FAM171A2: variants seen among roughly 807,000 people sequenced by gnomAD.
FAM171A2 encodes the protein family with sequence similarity 171 member A2.
FAM171A2 carries 13 observed loss-of-function variants against 34.2 expected under a neutral mutation model. The observed-to-expected ratio is 0.38, with a 90% CI of 0.25 to 0.60. The LOEUF is 0.60. Ranked by LOEUF, FAM171A2 falls within the 20% of genes least tolerant of loss-of-function variation. The pLI is 0.62. For missense variants in FAM171A2, 950 were observed against 1,180.7 expected (o/e 0.80, Z 2.86); for synonymous variants, 475 against 561.2 (o/e 0.85, Z 2.17).
At position 44,353,652 on chromosome 17, in the gene FAM171A2, GAGGGCCCCCGCGGGCCCCC is replaced by G. The variant is rs1278987732; in HGVS notation, c.*62_*80del. 14 of 1,080,562 alleles carry G rather than the reference GAGGGCCCCCGCGGGCCCCC, an allele frequency of 1.3e-5. No homozygotes were observed. Among genetic ancestry groups the G allele is most frequent in the Middle Eastern group, 7.3e-4 (2 of 2,752 alleles). The allele number at this position is 1,080,562 out of a possible 1,614,324, so 66.9% of individuals were successfully genotyped here. A position where few individuals can be genotyped will look rare whatever the true frequency, so the allele number is the denominator to read the frequency against. ...CGGCCTGGGGCTGGGAGCTACGCGC[GAGGGCCCCCGCGGGCCCCC>G]GGGGCGCGCACCCTGGGTGCGGGCC... On this transcript the variant is annotated 3_prime_UTR_variant, in exon 8 of 8. Coordinates refer to ENST00000293443, the MANE Select transcript of FAM171A2 (RefSeq NM_198475.3).
Position 44,353,333 on chromosome 17 carries a change from T to G in FAM171A2, c.*400A>C. ...ACATCGTAGCCCAGAGATGGGCTAG[T>G]CAGCAAGCAGCACCCCCTCCCCTCC... On this transcript the variant is annotated 3_prime_UTR_variant, in exon 8 of 8. Transcript: ENST00000293443. 1 of 177,754 alleles carries G rather than the reference T, an allele frequency of 5.6e-6. No homozygotes were observed. The highest frequency in any genetic ancestry group is 1.2e-5 in the Non-Finnish European group (1 of 83,710). 11.0% of individuals were successfully genotyped at this position (177,754 alleles called of 1,614,324 possible).
chr17:44,359,508 G>A (rs2048439001), intron 3 of FAM171A2, 71 bp downstream of exon 3: 6 of 1,312,656 alleles, frequency 4.6e-6, no homozygotes, highest in South Asian at 3.8e-5. Flanking sequence ...AGCTAATATA[G>A]GACAGTGGAG....
chr17:44,360,162 G>A (rs2048442521), intron 1 of FAM171A2, 30 bp from the exon 2 acceptor site: 1 of 1,522,930 alleles, frequency 6.6e-7, no homozygotes, highest in Admixed American at 2.0e-5. Context: ...AAGGGAGTGA[G>A]GACGAGGGAG....
rs2048439270 is a variant in FAM171A2, at chr17:44,359,575, T to C, written c.439+4A>G. ...GAGTTGGCGTGGGTGAGGGGGAGCC[T>C]TACCGGGAGAGCCTAGGAGAATGTG... On this transcript the variant is annotated splice_donor_region_variant and intron_variant, in intron 3 of 7. Coordinates refer to ENST00000293443, the MANE Select transcript of FAM171A2 (RefSeq NM_198475.3). The C allele has an allele frequency of 6.4e-7, 1 of 1,550,956 alleles. No homozygotes were observed. The highest frequency in any genetic ancestry group is 8.7e-7 in the Non-Finnish European group (1 of 1,146,646).
chr17:44,357,758 T>TGTGTGTGTGTGTG (rs61464829), intron 3 of FAM171A2, among the ~76,000 whole-genome samples: 40 of 148,968 alleles, frequency 2.7e-4, no homozygotes, highest in Admixed American at 4.0e-4. Flanking sequence ...TGTGTGTGTG[T>TGTGTGTGTGTGTG]TGGGGTGGAG....
rs1316539581 is a variant in FAM171A2 at position 44,359,616 on chromosome 17, G to C, written c.402C>G (p.Leu134=). 1 of 1,551,222 alleles carries C rather than the reference G, an allele frequency of 6.4e-7. No homozygotes were observed. Among genetic ancestry groups the C allele is most frequent in the Admixed American group, 2.0e-5 (1 of 50,994 alleles). Residue 134 remains leucine (L), a synonymous_variant, in exon 3 of 8, where the codon CTC becomes CTG. Coordinates refer to ENST00000293443, the MANE Select transcript of FAM171A2 (RefSeq NM_198475.3). ...GGAGAATGTGCACCAGGTCCTCATA[G>C]AGGATGAGCGTGGCCGGCCGCTCAG... ...LLPERPATLI[L]YEDLVHILLG...
In FAM171A2 at chr17:44,354,615, G is replaced by T; in HGVS notation, c.1599C>A (p.Tyr533Ter). 1 of 1,267,074 alleles carries T rather than the reference G, an allele frequency of 7.9e-7. No individual in the cohort carries two copies. Among genetic ancestry groups the T allele is most frequent in the Non-Finnish European group, 1.0e-6 (1 of 1,003,844 alleles). The allele number at this position is 1,267,074 out of a possible 1,614,324, so 78.5% of individuals were successfully genotyped here. The change falls in exon 8 of 8, where the codon TAC becomes TAA. Residue 533 changes from tyrosine (Y) to a stop codon, truncating the protein, a stop_gained. Transcript: ENST00000293443. LOFTEE classifies it low-confidence loss of function (END_TRUNC). This position sits in a 1 kb window ranked among gnomAD's most constrained non-coding sequence, Gnocchi z 5.8. Reference protein sequence around the residue: ...GSIDHLKDNVYRNVMPTLVIP... With the variant: ...GSIDHLKDNV Reference sequence around the variant, plus strand: ...TCACCAGGGTGGGCATGACGTTGCGGTAGACGTTGTCCTTGAGGTGGTCGA... The same window carrying T: ...TCACCAGGGTGGGCATGACGTTGCGTTAGACGTTGTCCTTGAGGTGGTCGA...
At position 44,353,533 on chromosome 17, in the gene FAM171A2, C is replaced by CT. The variant is rs1281550031; in HGVS notation, c.*199_*200insA. 2 of 313,382 alleles carry CT rather than the reference C, an allele frequency of 6.4e-6. No individual in the cohort carries two copies. The highest frequency in any genetic ancestry group is 4.4e-5 in the African/African-American group (2 of 45,130). 19.4% of individuals were successfully genotyped at this position (313,382 alleles called of 1,614,324 possible). On this transcript the variant is annotated 3_prime_UTR_variant, in exon 8 of 8. Transcript: ENST00000293443. The stretch of plus-strand genomic sequence containing the variant: ...CCTCCCCGTGGGGGTCTGGACCCCC[C>CT]CTCCTCCCCGGCTTGGAGGCAGACA...
intron 1 of FAM171A2, 123 bp downstream of exon 1, chr17:44,363,474 C>T (rs867924628): frequency 3.7e-5 from 16 of 436,734 alleles, no homozygotes; most frequent in Non-Finnish European, 5.6e-5. Context: ...TAGCTCCCCC[C>T]ACCCGAATCC....
Position 44,354,306 on chromosome 17 carries a change from G to T in FAM171A2, c.1908C>A (p.Ala636=). 6.9e-7 allele frequency: 1 copy of T among 1,457,066 alleles called. No homozygotes were observed. 90.3% of individuals were successfully genotyped at this position (1,457,066 alleles called of 1,614,324 possible). The change falls in exon 8 of 8, where the codon GCC becomes GCA. Residue 636 remains alanine (A), a synonymous_variant. Coordinates refer to ENST00000293443, the MANE Select transcript of FAM171A2 (RefSeq NM_198475.3). This position sits in a 1 kb window ranked among gnomAD's most constrained non-coding sequence, Gnocchi z 5.8. ...TMAQLNGELQ[A]LTEKKLLELG... is the part of the protein sequence containing the mutation. ...GTTCCAGCAGCTTCTTCTCGGTCAG[G>T]GCCTGCAGCTCCCCGTTGAGCTGCG...
At position 44,354,474 on chromosome 17, in the gene FAM171A2, G is replaced by A; in HGVS notation, c.1740C>T (p.Asp580=). Residue 580 remains aspartate, a synonymous_variant, in exon 8 of 8, where the codon GAC becomes GAT. Coordinates refer to ENST00000293443, the MANE Select transcript of FAM171A2 (RefSeq NM_198475.3). This position sits in a 1 kb window ranked among gnomAD's most constrained non-coding sequence, Gnocchi z 5.8. ...GGCCCGGCATCTGCGGGCGCTGGGG[G>A]TCGGGCTGGGGAAAAGCGCGCGCCG... ...PGPARAFPQP[D]PQRPQMPGHS... is the part of the protein sequence containing the mutation. 9.3e-7 allele frequency: 1 copy of A among 1,079,482 alleles called. No individual in the cohort carries two copies. Among genetic ancestry groups the A allele is most frequent in the Non-Finnish European group, 1.1e-6 (1 of 890,574 alleles). The allele number at this position is 1,079,482 out of a possible 1,614,324, so 66.9% of individuals were successfully genotyped here. A position where few individuals can be genotyped will look rare whatever the true frequency, so the allele number is the denominator to read the frequency against.
In FAM171A2 at chr17:44,360,094, G is replaced by A; in HGVS notation, c.157C>T (p.Leu53=). ...IKVQVYVSGE[L]VPLARASVDV... ...ACTGAGGCCCGGGCCAGGGGCACCA[G>A]CTCCCCGCTCACATACACCTGCACC... The change falls in exon 2 of 8, where the codon CTG becomes TTG. Residue 53 remains leucine (L), a synonymous_variant. Transcript: ENST00000293443. 1 of 1,551,704 alleles carries A rather than the reference G, an allele frequency of 6.4e-7. No homozygotes were observed. Among genetic ancestry groups the A allele is most frequent in the South Asian group, 1.2e-5 (1 of 84,070 alleles).
intron 3 of FAM171A2, 127 bp from the exon 4 acceptor site, chr17:44,356,715 G>T: frequency 5.7e-6 from 6 of 1,047,532 alleles, no homozygotes; most frequent in Non-Finnish European, 8.0e-6. Flanking sequence ...CAGGGAGGGT[G>T]ATGCCTTGGG....
intron 3 of FAM171A2, 191 bp downstream of exon 3, chr17:44,359,388 C>T: frequency 1.7e-6 from 1 of 604,742 alleles, no homozygotes; most frequent in Non-Finnish European, 3.0e-6. Context: ...TGTGTTTTTT[C>T]ACTTTGTGAT....
chr17:44,355,756 C>G lies in FAM171A2; in HGVS notation c.981G>C (p.Leu327=). 6.4e-7 allele frequency: 1 copy of G among 1,551,906 alleles called. No individual in the cohort carries two copies. Among genetic ancestry groups the G allele is most frequent in the Non-Finnish European group, 8.7e-7 (1 of 1,147,072 alleles). The change falls in exon 7 of 8, where the codon CTG becomes CTC. Residue 327 remains leucine, a synonymous_variant. Coordinates refer to ENST00000293443, the MANE Select transcript of FAM171A2 (RefSeq NM_198475.3). The surrounding 1 kb of genome is among the most constrained non-coding windows in gnomAD (Gnocchi z 4.1). ...GCAGACACAGCAGGATAAGCACCAG[C>G]AGGGCCAGGGCTGCCAGGATGGTGA... ...FLLTILAALA[L]LVLILLCLLI... is the part of the protein sequence containing the mutation.
At position 44,353,618 on chromosome 17, in the gene FAM171A2, G is replaced by T. The variant is rs1273245969; in HGVS notation, c.*115C>A. 2.2e-5 allele frequency: 17 copies of T among 786,856 alleles called. No individual in the cohort carries two copies. The highest frequency in any genetic ancestry group is 2.8e-5 in the Non-Finnish European group (17 of 599,510). 48.7% of individuals were successfully genotyped at this position (786,856 alleles called of 1,614,324 possible). On this transcript the variant is annotated 3_prime_UTR_variant, in exon 8 of 8. Transcript: ENST00000293443. ...CACGGAACAGCTCCAAGGCCCCTGG[G>T]CCCCTCTCCGGCCTGGGGCTGGGAG...
At chr17:44,362,589 A>G (rs555811509) in intron 1 of FAM171A2, among the ~76,000 whole-genome samples, 1 of 152,302 alleles carries the variant, frequency 6.6e-6, no homozygotes, top group South Asian at 2.1e-4. Context: ...AGGTGGACTC[A>G]GGACTGGAGT....
intron 1 of FAM171A2, 38 bp downstream of exon 1, chr17:44,363,559 C>T: frequency 1.9e-6 from 2 of 1,053,458 alleles, no homozygotes; most frequent in Non-Finnish European, 2.4e-6. Context: ...TCAGGGGGCG[C>T]AGGCCCGCGA....
chr17:44,355,642 G>A lies in FAM171A2; in HGVS notation c.1022+73C>T. ...TGTCTGCCCCTTGAGGACCAGAAGT[G>A]GATTTTATGCATCTTTGGGGCCCCA... On this transcript the variant is annotated intron_variant, in intron 7 of 7. Coordinates refer to ENST00000293443, the MANE Select transcript of FAM171A2 (RefSeq NM_198475.3). The surrounding 1 kb of genome is among the most constrained non-coding windows in gnomAD (Gnocchi z 4.1). 3.9e-6 allele frequency: 6 copies of A among 1,538,360 alleles called. No individual in the cohort carries two copies. Among genetic ancestry groups the A allele is most frequent in the Non-Finnish European group, 5.3e-6 (6 of 1,138,090 alleles).
Sources: allele counts gnomAD v4.1 joint callset (sites outside exome capture counted in the v4.1 genomes callset), GRCh38; gene constraint gnomAD v4.1.1; non-coding constraint Gnocchi (gnomAD v3.1); transcripts MANE v1.5; gene names NCBI Gene and HGNC (gene_info 2026-07-23, HGNC 2026-07-21).